Variants in RMDN2 observed in about 807,000 individuals in gnomAD.
The protein encoded by RMDN2 is regulator of microtubule dynamics 2.
In RMDN2, 61 loss-of-function variants were observed where a neutral mutation model predicts 52.8. That is an observed-to-expected ratio of 1.16 (90% CI 0.94 to 1.43). The LOEUF (loss-of-function observed/expected upper bound fraction) is 1.43. Ranked by LOEUF, RMDN2 falls within the 40% of genes most tolerant of loss-of-function variation. The probability of loss-of-function intolerance (pLI) is 0.00; values close to 1 mark genes in which losing one functional copy is unlikely to be tolerated. For missense variants in RMDN2, 592 were observed against 475.3 expected, an observed-to-expected ratio of 1.25 and a Z score of -2.28; for synonymous variants, 180 against 153.1, an observed-to-expected ratio of 1.18 and a Z score of -1.30.
intron 7 of RMDN2, among the ~76,000 whole-genome samples, chr2:37,993,040 G>A (rs994060328): frequency 6.6e-6 from 1 of 151,982 alleles, no homozygotes; most frequent in Admixed American, 6.6e-5. Context: ...TCAGCCTCCC[G>A]AGTAGCTGGG....
chr2:38,018,115 C>G (rs1306167878), downstream of RMDN2, among the ~76,000 whole-genome samples: 1 of 152,144 alleles, frequency 6.6e-6, no homozygotes, highest in Non-Finnish European at 1.5e-5. Context: ...TTTTGTGATT[C>G]TTCACTTGCT....
intron 2 of RMDN2, among the ~76,000 whole-genome samples, chr2:37,968,463 A>G (rs1671377369): frequency 7.0e-6 from 1 of 143,802 alleles, no homozygotes; most frequent in African/African-American, 2.7e-5. Context: ...AAAAAAAAAG[A>G]AAGTCTGTTG....
upstream of RMDN2, among the ~76,000 whole-genome samples, chr2:37,925,036 A>C (rs1028472908): frequency 1.5e-4 from 23 of 152,162 alleles, no homozygotes; most frequent in Admixed American, 3.3e-4. Context: ...CAGCAACGCG[A>C]GAGGGAACGC....
chr2:37,966,679 G>GT lies in RMDN2; in HGVS notation c.453-7354dup, dbSNP rs200138732. ...TTAAAGTTTGCCTGGTTGTTTGTTT[G>GT]TTTTTTTGCCTGTTTGAGTCTTCTG... On this transcript the variant is annotated intron_variant, in intron 2 of 10. Transcript: ENST00000354545. Among the ~76,000 whole-genome samples, 729 of 151,680 alleles carry GT rather than the reference G, an allele frequency of 4.8e-3. 6 individuals are homozygous for GT. Among genetic ancestry groups the GT allele is most frequent in the Middle Eastern group, 0.027 (8 of 294 alleles).
chr2:37,978,343 A>C, intron 4 of RMDN2, among the ~76,000 whole-genome samples: 1 of 147,090 alleles, frequency 6.8e-6, no homozygotes, highest in Non-Finnish European at 1.5e-5. Flanking sequence ...GGGGAGGGAG[A>C]GGGAAAGGTA....
intron 5 of RMDN2, among the ~76,000 whole-genome samples, chr2:37,986,750 A>G (rs1377192748): frequency 1.3e-5 from 2 of 152,096 alleles, no homozygotes; most frequent in African/African-American, 4.8e-5. Flanking sequence ...GTGCAAAGAA[A>G]GAAACTCTCA....
At chr2:37,928,453 G>A (rs1029439626) in intron 1 of RMDN2, among the ~76,000 whole-genome samples, 3 of 152,098 alleles carry the variant, frequency 2.0e-5, no homozygotes, top group Non-Finnish European at 2.9e-5. Context: ...GGTGAATTTC[G>A]GGTATACAAC....
intron 10 of RMDN2, chr2:38,066,864 T>C: frequency 2.4e-6 from 2 of 817,546 alleles, no homozygotes; most frequent in East Asian, 2.5e-5. Flanking sequence ...AACTAGTGAG[T>C]ATTCTCTTAA....
At chr2:38,032,669 G>A (rs957658792) in intron 10 of RMDN2, among the ~76,000 whole-genome samples, 12 of 152,074 alleles carry the variant, frequency 7.9e-5, no homozygotes, top group African/African-American at 1.9e-4. Context: ...GGGAAACCCC[G>A]TTTCTACAAA....
Position 38,048,191 on chromosome 2 carries a change from C to A in RMDN2, c.1714-18791C>A, listed in dbSNP as rs60609417. Reference sequence around the variant, plus strand: ...TTGGCTTTGCTGCAGTCCTCCCTGTCTGGGACTTCTGTATGTGCTACATTT... The same window carrying A: ...TTGGCTTTGCTGCAGTCCTCCCTGTATGGGACTTCTGTATGTGCTACATTT... On this transcript the variant is annotated intron_variant, in intron 10 of 10. Coordinates refer to the RMDN2 transcript ENST00000234195. Among the ~76,000 whole-genome samples the A allele has an allele frequency of 1.3e-3, 205 of 152,264 alleles. 2 individuals are homozygous for A. The highest frequency in any genetic ancestry group is 4.6e-3 in the African/African-American group (192 of 41,522).
chr2:37,923,098 T>A (rs1572650994), upstream of RMDN2: 3 of 152,300 alleles, frequency 2.0e-5, no homozygotes, highest in South Asian at 2.1e-4. Flanking sequence ...AGACTGACAT[T>A]CCTAGTAGTG....
intron 10 of RMDN2, among the ~76,000 whole-genome samples, chr2:38,041,817 G>T (rs907973671): frequency 6.6e-6 from 1 of 152,038 alleles, no homozygotes; most frequent in Admixed American, 6.6e-5. Flanking sequence ...CACAGAGTAT[G>T]GTTGTAGTTT....
chr2:38,046,322 T>C (rs1573227060), intron 10 of RMDN2, among the ~76,000 whole-genome samples: 1 of 152,266 alleles, frequency 6.6e-6, no homozygotes, highest in East Asian at 1.9e-4. Flanking sequence ...ATCAGCTGAC[T>C]GCTAAACTAT....
intron 10 of RMDN2, among the ~76,000 whole-genome samples, chr2:38,063,773 G>A (rs163084): frequency 0.19 from 28,349 of 152,072 alleles, 2,769 homozygotes; most frequent in Middle Eastern, 0.22. Flanking sequence ...ATACTGTAGC[G>A]TTTTGCACTT....
chr2:38,026,841 T>A (rs1049476354), intron 10 of RMDN2: 14 of 152,224 alleles, frequency 9.2e-5, no homozygotes, highest in Admixed American at 5.9e-4. Flanking sequence ...TATGTTATAT[T>A]TTCATGTTCA....
At chr2:37,975,122 T>C in intron 3 of RMDN2, 90 bp from the exon 4 acceptor site, 1 of 754,188 alleles carries the variant, frequency 1.3e-6, no homozygotes, top group South Asian at 1.5e-5. Flanking sequence ...TTTACCTGCC[T>C]AAGTTTTTAA....
At chr2:37,989,712 C>A in intron 6 of RMDN2, 96 bp downstream of exon 6, 1 of 784,716 alleles carries the variant, frequency 1.3e-6, no homozygotes, top group African/African-American at 1.8e-5. Flanking sequence ...CCATATGTTC[C>A]ATCAATGGGT....
At chr2:38,010,642 T>C (rs1244297451) in intron 10 of RMDN2, among the ~76,000 whole-genome samples, 2 of 152,218 alleles carry the variant, frequency 1.3e-5, no homozygotes, top group African/African-American at 4.8e-5. Flanking sequence ...GGGAATTCCC[T>C]TACCCTTTGC....
intron 2 of RMDN2, among the ~76,000 whole-genome samples, chr2:37,934,367 C>G (rs977856986): frequency 4.6e-5 from 7 of 152,090 alleles, no homozygotes; most frequent in African/African-American, 1.7e-4. Flanking sequence ...TTTTCTGGGG[C>G]TCAGCTGATT....
Sources: gnomAD v4.1 joint callset for allele counts (sites outside exome capture counted in the v4.1 genomes callset) on GRCh38, gnomAD v4.1.1 for gene constraint, MANE v1.5 for transcripts, NCBI Gene and HGNC (gene_info 2026-07-23, HGNC 2026-07-21) for gene names.